CCSER1: variants seen among roughly 807,000 people sequenced by gnomAD.
CCSER1 encodes the protein coiled-coil serine rich protein 1.
In CCSER1, 41 loss-of-function variants were observed where a neutral mutation model predicts 82.0. That is an observed-to-expected ratio of 0.50 (90% CI 0.39 to 0.65). The LOEUF (loss-of-function observed/expected upper bound fraction) is 0.65, where lower values mean the gene tolerates loss of function less well. CCSER1 is among the 30% of genes least tolerant of loss of function. The pLI, the probability that CCSER1 is intolerant of heterozygous loss-of-function variation, is 0.00. For missense variants in CCSER1, 1,119 were observed against 1,064.2 expected (o/e 1.05, Z -0.72); for synonymous variants, 414 against 383.9 (o/e 1.08, Z -0.92).
At chr4:90,219,513 C>T (rs756985798) in intron 1 of CCSER1, among the ~76,000 whole-genome samples, 13 of 152,064 alleles carry the variant, frequency 8.5e-5, no homozygotes, top group African/African-American at 1.9e-4. Flanking sequence ...TATATGTTGT[C>T]GCCTTCAAAT....
intron 3 of CCSER1, among the ~76,000 whole-genome samples, chr4:90,347,358 TTATTGG>T (rs1358325537): frequency 4.6e-5 from 7 of 152,212 alleles, no homozygotes; most frequent in Non-Finnish European, 1.0e-4. Context: ...TCTATATACT[TTATTGG>T]TAGAATAGAA....
intron 10 of CCSER1, among the ~76,000 whole-genome samples, chr4:91,559,356 G>A (rs1762551162): frequency 6.6e-6 from 1 of 151,474 alleles, no homozygotes; most frequent in Non-Finnish European, 1.5e-5. Flanking sequence ...GTGTATAATT[G>A]GCTCCACACC....
chr4:91,261,207 T>A (rs1019379355), intron 10 of CCSER1, among the ~76,000 whole-genome samples: 16 of 152,178 alleles, frequency 1.1e-4, no homozygotes, highest in Admixed American at 2.0e-4. Flanking sequence ...TGAGAGCCAG[T>A]GTTCTAAATG....
At chr4:91,044,250 G>A (rs750897652) in intron 9 of CCSER1, among the ~76,000 whole-genome samples, 3 of 152,150 alleles carry the variant, frequency 2.0e-5, no homozygotes, top group Admixed American at 2.0e-4. Flanking sequence ...AAACATGAAT[G>A]ATAGAATTGC....
At chr4:91,385,331 ATG>A (rs1052579907) in intron 10 of CCSER1, among the ~76,000 whole-genome samples, 3 of 152,012 alleles carry the variant, frequency 2.0e-5, no homozygotes, top group African/African-American at 7.2e-5. Context: ...AACATGTAGT[ATG>A]TTTCCTTTTG....
At chr4:91,583,724 A>G (rs932773913) in intron 10 of CCSER1, among the ~76,000 whole-genome samples, 3 of 151,512 alleles carry the variant, frequency 2.0e-5, no homozygotes, top group East Asian at 3.9e-4. Flanking sequence ...ATGTTTTTAT[A>G]TAAGAACTAT....
chr4:90,810,906 C>A (rs1331370218), intron 7 of CCSER1, among the ~76,000 whole-genome samples: 1 of 143,746 alleles, frequency 7.0e-6, no homozygotes, highest in Non-Finnish European at 1.5e-5. Context: ...GATCTCGGCT[C>A]ACTACAAGGC....
chr4:90,844,258 A>G lies in CCSER1; in HGVS notation c.2094+28413A>G, dbSNP rs150926923. On this transcript the variant is annotated intron_variant, in intron 8 of 10. Coordinates refer to ENST00000509176, the MANE Select transcript of CCSER1 (RefSeq NM_001145065.2). ...AAGAGAGGAAGACAGATATGTAGCA[A>G]CTGGGTATTACTAAACTTCAGAGTT... 8.5e-3 allele frequency among the ~76,000 whole-genome samples: 1,295 copies of G among 152,118 alleles called. 20 individuals are homozygous for G. Among genetic ancestry groups the G allele is most frequent in the African/African-American group, 0.03 (1,234 of 41,512 alleles).
intron 9 of CCSER1, among the ~76,000 whole-genome samples, chr4:91,079,849 T>A (rs757606597): frequency 2.0e-5 from 3 of 152,132 alleles, no homozygotes; most frequent in Non-Finnish European, 4.4e-5. Context: ...AAGGGATCAA[T>A]TCAACAAAAA....
chr4:90,915,378 G>C (rs951514683), intron 8 of CCSER1, among the ~76,000 whole-genome samples: 1 of 152,052 alleles, frequency 6.6e-6, no homozygotes, highest in African/African-American at 2.4e-5. Flanking sequence ...ACCAATAAAC[G>C]TAACCCAGCA....
At chr4:90,732,829 A>G (rs1744990853) in intron 7 of CCSER1, among the ~76,000 whole-genome samples, 1 of 152,200 alleles carries the variant, frequency 6.6e-6, no homozygotes, top group South Asian at 2.1e-4. Context: ...AATGACTTCC[A>G]GCTCCATCCC....
chr4:90,923,502 C>A, intron 9 of CCSER1, 55 bp downstream of exon 9: 1 of 1,180,692 alleles, frequency 8.5e-7, no homozygotes, highest in Non-Finnish European at 1.2e-6. Flanking sequence ...CAGACCTCCA[C>A]AGCTTATTGA....
intron 1 of CCSER1, among the ~76,000 whole-genome samples, chr4:90,145,473 C>G (rs1386701515): frequency 2.0e-5 from 3 of 152,118 alleles, no homozygotes; most frequent in Non-Finnish European, 4.4e-5. Flanking sequence ...GCTCTGCATC[C>G]ATAGTTGGAT....
At chr4:91,307,126 C>A (rs963664107) in intron 10 of CCSER1, among the ~76,000 whole-genome samples, 1 of 151,702 alleles carries the variant, frequency 6.6e-6, no homozygotes, top group East Asian at 2.0e-4. Context: ...TTTTAGGTAC[C>A]CAATGATTTT....
intron 5 of CCSER1, among the ~76,000 whole-genome samples, chr4:90,554,913 T>C (rs941513405): frequency 6.6e-6 from 1 of 152,158 alleles, no homozygotes; most frequent in Non-Finnish European, 1.5e-5. Flanking sequence ...GAGAGCCAAC[T>C]CTTAATGAAA....
intron 1 of CCSER1, among the ~76,000 whole-genome samples, chr4:90,235,875 T>C (rs943471769): frequency 6.6e-6 from 1 of 152,212 alleles, no homozygotes; most frequent in Non-Finnish European, 1.5e-5. Context: ...GGCAATAGTC[T>C]ATCAAACCTG....
chr4:91,137,113 A>T (rs1292286568), intron 10 of CCSER1, among the ~76,000 whole-genome samples: 1 of 141,516 alleles, frequency 7.1e-6, no homozygotes, highest in Admixed American at 7.1e-5. Flanking sequence ...TGCACCCACT[A>T]ACTCGTCATC....
intron 8 of CCSER1, among the ~76,000 whole-genome samples, chr4:90,885,572 G>A (rs915068125): frequency 6.6e-6 from 1 of 152,092 alleles, no homozygotes; most frequent in African/African-American, 2.4e-5. Context: ...TTAGAGAATA[G>A]AGAATATTCT....
intron 1 of CCSER1, among the ~76,000 whole-genome samples, chr4:90,222,194 G>T (rs1742278312): frequency 6.6e-6 from 1 of 152,070 alleles, no homozygotes; most frequent in South Asian, 2.1e-4. Context: ...TTTAGAAGGG[G>T]TCTTCCTGGG....
Sources: gnomAD v4.1 joint callset for allele counts (sites outside exome capture counted in the v4.1 genomes callset) on GRCh38, gnomAD v4.1.1 for gene constraint, MANE v1.5 for transcripts, NCBI Gene and HGNC (gene_info 2026-07-23, HGNC 2026-07-21) for gene names.